Variants in GRID2 observed in about 807,000 individuals in gnomAD.
The protein encoded by GRID2 is glutamate receptor ionotropic, delta-2.
GRID2 carries 33 observed loss-of-function variants against 114.8 expected under a neutral mutation model. The ratio of observed to expected loss-of-function variants is 0.29; its 90% CI spans 0.22 to 0.38. The LOEUF (loss-of-function observed/expected upper bound fraction) is 0.38, where lower values mean the gene tolerates loss of function less well. Ranked by LOEUF, GRID2 falls within the 10% of genes least tolerant of loss-of-function variation. GRID2 has a pLI of 1.00. For synonymous variants in GRID2, 505 were observed against 449.9 expected (o/e 1.12, Z -1.55); for missense variants, 1,184 against 1,257.7 (o/e 0.94, Z 0.89).
At chr4:93,666,324 C>T (rs1405862714) in intron 14 of GRID2, among the ~76,000 whole-genome samples, 1 of 151,966 alleles carries the variant, frequency 6.6e-6, no homozygotes, top group African/African-American at 2.4e-5. Flanking sequence ...TGCATAATCC[C>T]TTCCCTAGAG....
intron 14 of GRID2, among the ~76,000 whole-genome samples, chr4:93,754,230 ACTGTAATTTTCTGTAATGTGTGTTG>A (rs1732565106): frequency 6.6e-6 from 1 of 152,212 alleles, no homozygotes; most frequent in African/African-American, 2.4e-5. Context: ...GAGGTACATG[ACTGTAATTTTCTGTAATGTGTGTTG>A]CAGCTCAGGC....
At chr4:92,804,122 C>T (rs753153394) in intron 2 of GRID2, among the ~76,000 whole-genome samples, 2 of 151,950 alleles carry the variant, frequency 1.3e-5, no homozygotes, top group Non-Finnish European at 2.9e-5. Context: ...CATATAAGGA[C>T]ACCAGTAACA....
At chr4:93,347,648 C>T (rs1284030015) in intron 8 of GRID2, among the ~76,000 whole-genome samples, 13 of 152,146 alleles carry the variant, frequency 8.5e-5, no homozygotes, top group East Asian at 3.9e-4. Context: ...TTCATATAAG[C>T]GCTTTCCATA....
At chr4:93,259,445 TA>T (rs1436704546) in intron 8 of GRID2, among the ~76,000 whole-genome samples, 1 of 151,846 alleles carries the variant, frequency 6.6e-6, no homozygotes, top group African/African-American at 2.4e-5. Flanking sequence ...CTTGATTTTT[TA>T]AAATGATTTC....
At chr4:93,097,334 TAAAGG>T (rs143373136) in intron 3 of GRID2, among the ~76,000 whole-genome samples, 8,006 of 148,772 alleles carry the variant, frequency 0.054, 403 homozygotes, top group African/African-American at 0.13. Context: ...ACAAAAAAGG[TAAAGG>T]AAAGGAAAAA....
chr4:93,522,838 G>A (rs1161196011), intron 13 of GRID2, among the ~76,000 whole-genome samples: 1 of 152,098 alleles, frequency 6.6e-6, no homozygotes, highest in Admixed American at 6.6e-5. Context: ...TCAGGTAGTA[G>A]AAAAGACAAA....
chr4:93,054,378 C>T (rs1160092112), intron 2 of GRID2, among the ~76,000 whole-genome samples: 2 of 151,416 alleles, frequency 1.3e-5, no homozygotes, highest in Non-Finnish European at 3.0e-5. Flanking sequence ...AAAAAACTAG[C>T]ACAGTAGGAA....
intron 14 of GRID2, among the ~76,000 whole-genome samples, chr4:93,728,530 C>T (rs967053089): frequency 1.3e-5 from 2 of 152,214 alleles, no homozygotes; most frequent in African/African-American, 4.8e-5. Context: ...AGTTCAATTC[C>T]TGGGTATCCT....
At chr4:93,193,042 C>T (rs1292030820) in intron 4 of GRID2, among the ~76,000 whole-genome samples, 2 of 152,190 alleles carry the variant, frequency 1.3e-5, no homozygotes, top group Admixed American at 6.5e-5. Flanking sequence ...AGAATATTTA[C>T]TTCAAGTATG....
chr4:93,522,619 G>A (rs955081636), intron 13 of GRID2, among the ~76,000 whole-genome samples: 2 of 152,084 alleles, frequency 1.3e-5, no homozygotes, highest in African/African-American at 4.8e-5. Flanking sequence ...CTATATAAAA[G>A]GAAAGTGATG....
chr4:92,576,748 A>G (rs572052499), intron 1 of GRID2, among the ~76,000 whole-genome samples: 21 of 152,046 alleles, frequency 1.4e-4, no homozygotes, highest in Admixed American at 2.6e-4. Context: ...GTTTCCTGGG[A>G]TCACACAATC....
At chr4:92,578,204 G>A (rs1052630695) in intron 1 of GRID2, among the ~76,000 whole-genome samples, 1 of 149,194 alleles carries the variant, frequency 6.7e-6, no homozygotes, top group Non-Finnish European at 1.5e-5. Flanking sequence ...TGCCATGCTG[G>A]TGTGCTGCAC....
intron 2 of GRID2, among the ~76,000 whole-genome samples, chr4:92,816,053 T>C (rs1470744410): frequency 1.3e-5 from 2 of 150,570 alleles, no homozygotes; most frequent in African/African-American, 4.9e-5. Flanking sequence ...TGGTGGCTCA[T>C]GCCTGTAATC....
At chr4:93,787,759 G>T (rs1013972712) in intron 1 of GRID2, among the ~76,000 whole-genome samples, 1 of 152,198 alleles carries the variant, frequency 6.6e-6, no homozygotes, top group East Asian at 1.9e-4. Context: ...TTATTGAATG[G>T]AACGATTGAT....
chr4:92,955,594 T>C (rs1053699384), intron 2 of GRID2, among the ~76,000 whole-genome samples: 38 of 152,282 alleles, frequency 2.5e-4, no homozygotes, highest in African/African-American at 8.7e-4. Flanking sequence ...GTAGTTTCTT[T>C]TGCTGTGCAG....
At chr4:93,347,163 C>T (rs1760322321) in intron 8 of GRID2, among the ~76,000 whole-genome samples, 1 of 151,958 alleles carries the variant, frequency 6.6e-6, no homozygotes, top group South Asian at 2.1e-4. Flanking sequence ...GGATCTAACT[C>T]TCACACTACC....
chr4:93,356,411 T>G (rs1351426012), intron 8 of GRID2, among the ~76,000 whole-genome samples: 4 of 136,992 alleles, frequency 2.9e-5, no homozygotes, highest in Non-Finnish European at 5.9e-5. Context: ...AAAGAATAAA[T>G]TTTTTTTTCA....
intron 2 of GRID2, among the ~76,000 whole-genome samples, chr4:92,726,189 G>C (rs892676481): frequency 6.6e-6 from 1 of 152,054 alleles, no homozygotes. Flanking sequence ...TTTAAGATAG[G>C]AGAGGGACAA....
At chr4:92,701,566 TTTTA>T (rs1320400605) in intron 2 of GRID2, among the ~76,000 whole-genome samples, 8 of 152,154 alleles carry the variant, frequency 5.3e-5, no homozygotes, top group African/African-American at 1.7e-4. Flanking sequence ...AAGGAAGAAC[TTTTA>T]TTTGTTTTAA....
Sources: gnomAD v4.1 joint callset for allele counts (sites outside exome capture counted in the v4.1 genomes callset) on GRCh38, gnomAD v4.1.1 for gene constraint, MANE v1.5 for transcripts, NCBI Gene and HGNC (gene_info 2026-07-23, HGNC 2026-07-21) for gene names.